The following THRB variants were observed in gnomAD, a reference collection of about 807,000 sequenced individuals.
THRB encodes the protein thyroid hormone receptor beta.
A neutral mutation model predicts 47.8 loss-of-function variants in THRB; 12 were observed. The observed-to-expected ratio is 0.25, with a 90% CI of 0.16 to 0.41. The LOEUF (loss-of-function observed/expected upper bound fraction) is 0.41, where lower values mean the gene tolerates loss of function less well. THRB is among the 10% of genes least tolerant of loss of function. The pLI is 1.00. For synonymous variants in THRB, 218 were observed against 212.2 expected (o/e 1.03, Z -0.24); for missense variants, 348 against 589.2 (o/e 0.59, Z 4.24).
intron 1 of THRB, among the ~76,000 whole-genome samples, chr3:24,364,647 T>C (rs1177140707): frequency 6.6e-6 from 1 of 152,092 alleles, no homozygotes; most frequent in Non-Finnish European, 1.5e-5. Flanking sequence ...TCATCATCCA[T>C]GTACAAACAA....
At chr3:24,327,526 A>G (rs953572208) in intron 2 of THRB, among the ~76,000 whole-genome samples, 2 of 152,252 alleles carry the variant, frequency 1.3e-5, no homozygotes, top group Admixed American at 6.5e-5. Context: ...CTTAACCAAT[A>G]GATACTAAGC....
At chr3:24,374,897 A>G (rs1011257316) in intron 1 of THRB, among the ~76,000 whole-genome samples, 1 of 152,122 alleles carries the variant, frequency 6.6e-6, no homozygotes, top group African/African-American at 2.4e-5. Context: ...ATTCCTCTCT[A>G]TTACTCTCAA....
chr3:24,356,155 A>G (rs1057167233), intron 1 of THRB, among the ~76,000 whole-genome samples: 1 of 152,186 alleles, frequency 6.6e-6, no homozygotes, highest in Admixed American at 6.5e-5. Context: ...GATCTTGAGC[A>G]AGTCCAAATC....
chr3:24,470,566 A>G (rs2074487243), intron 1 of THRB, among the ~76,000 whole-genome samples: 1 of 152,234 alleles, frequency 6.6e-6, no homozygotes, highest in Non-Finnish European at 1.5e-5. Context: ...TTTGTTGGAT[A>G]TATAAAAGGA....
At chr3:24,374,306 T>C (rs1409323045) in intron 1 of THRB, among the ~76,000 whole-genome samples, 6 of 151,826 alleles carry the variant, frequency 4.0e-5, no homozygotes, top group Non-Finnish European at 8.8e-5. Flanking sequence ...AGACTTATAC[T>C]CAAGAACATA....
intron 1 of THRB, among the ~76,000 whole-genome samples, chr3:24,395,610 A>G (rs778468185): frequency 6.6e-6 from 1 of 152,092 alleles, no homozygotes; most frequent in Non-Finnish European, 1.5e-5. Flanking sequence ...AACAAGATAA[A>G]AACAAGTGTT....
At chr3:24,373,077 T>C (rs916433303) in intron 1 of THRB, among the ~76,000 whole-genome samples, 1 of 152,090 alleles carries the variant, frequency 6.6e-6, no homozygotes, top group African/African-American at 2.4e-5. Flanking sequence ...TAAAACCCTT[T>C]GTATTCCACT....
chr3:24,375,788 ATTTTCTTTTC>A (rs60099609), intron 1 of THRB, among the ~76,000 whole-genome samples: 1 of 151,622 alleles, frequency 6.6e-6, no homozygotes, highest in African/African-American at 2.4e-5. Flanking sequence ...CTGGAATTTG[ATTTTCTTTTC>A]TTTTCTTTTC....
intron 4 of THRB, among the ~76,000 whole-genome samples, chr3:24,208,620 T>C (rs2045666115): frequency 1.3e-5 from 2 of 152,212 alleles, no homozygotes. Context: ...ATTTAATAAA[T>C]GGTGCTGGGA....
At chr3:24,157,903 C>T (rs1423269581) in intron 5 of THRB, among the ~76,000 whole-genome samples, 2 of 152,156 alleles carry the variant, frequency 1.3e-5, no homozygotes, top group Non-Finnish European at 2.9e-5. Flanking sequence ...GTGAAATGTT[C>T]CTTTTGCCGT....
chr3:24,156,882 T>C (rs1268143058), intron 5 of THRB, among the ~76,000 whole-genome samples: 2 of 152,204 alleles, frequency 1.3e-5, no homozygotes, highest in African/African-American at 2.4e-5. Flanking sequence ...TTAAAAACCT[T>C]GAAAGGGTTA....
At chr3:24,313,177 C>A (rs2057875318) in intron 2 of THRB, among the ~76,000 whole-genome samples, 1 of 152,134 alleles carries the variant, frequency 6.6e-6, no homozygotes, top group Non-Finnish European at 1.5e-5. Context: ...TCAGCTCAGT[C>A]CTCACTTCCT....
chr3:24,288,556 A>G (rs2055575115), intron 3 of THRB, among the ~76,000 whole-genome samples: 1 of 152,064 alleles, frequency 6.6e-6, no homozygotes, highest in African/African-American at 2.4e-5. Flanking sequence ...TTCCACTGCT[A>G]TTAAAAAATT....
chr3:24,383,023 C>T (rs2065828030), intron 1 of THRB, among the ~76,000 whole-genome samples: 1 of 152,134 alleles, frequency 6.6e-6, no homozygotes, highest in African/African-American at 2.4e-5. Context: ...TCCATTCTTC[C>T]TTCAGATTTC....
chr3:24,137,411 A>G (rs2034817128), intron 8 of THRB, among the ~76,000 whole-genome samples: 1 of 152,238 alleles, frequency 6.6e-6, no homozygotes, highest in South Asian at 2.1e-4. Context: ...TTCGTGGAAG[A>G]ATTTGTGATA....
chr3:24,251,813 G>A (rs1476358582), intron 3 of THRB, among the ~76,000 whole-genome samples: 1 of 151,962 alleles, frequency 6.6e-6, no homozygotes, highest in South Asian at 2.1e-4. Context: ...AATTACTTTT[G>A]TAAATCAGCA....
chr3:24,439,553 A>T (rs1273301163), intron 1 of THRB, among the ~76,000 whole-genome samples: 2 of 152,198 alleles, frequency 1.3e-5, no homozygotes, highest in Non-Finnish European at 2.9e-5. Flanking sequence ...TCAGTCAATC[A>T]CTACCTCCTT....
At chr3:24,440,008 C>T (rs1186215092) in intron 1 of THRB, among the ~76,000 whole-genome samples, 1 of 152,170 alleles carries the variant, frequency 6.6e-6, no homozygotes, top group African/African-American at 2.4e-5. Context: ...TTAATGCAGT[C>T]TAAAATTAAC....
intron 2 of THRB, among the ~76,000 whole-genome samples, chr3:24,297,790 A>T (rs915825232): frequency 6.6e-6 from 1 of 152,232 alleles, no homozygotes; most frequent in Admixed American, 6.5e-5. Flanking sequence ...CGGGTCACAC[A>T]TCCCAGACCA....
Sources: allele counts gnomAD v4.1 joint callset (sites outside exome capture counted in the v4.1 genomes callset), GRCh38; gene constraint gnomAD v4.1.1; transcripts MANE v1.5; gene names NCBI Gene and HGNC (gene_info 2026-07-23, HGNC 2026-07-21).